Variants in DOCK9 observed in about 807,000 individuals in gnomAD.
DOCK9 encodes the protein dedicator of cytokinesis 9, also known as dedicator of cytokinesis protein 9.
DOCK9 carries 89 observed loss-of-function variants against 263.3 expected under a neutral mutation model. The ratio of observed to expected loss-of-function variants is 0.34; its 90% CI spans 0.28 to 0.40. The LOEUF (loss-of-function observed/expected upper bound fraction) is 0.40. Among genes scored for constraint, DOCK9 ranks in the 10% least tolerant of loss-of-function variants. The pLI is 1.00. For missense variants in DOCK9, 2,140 were observed against 2,603.4 expected (o/e 0.82, Z 3.87); for synonymous variants, 976 against 973.1 (o/e 1.00, Z -0.06).
At chr13:99,086,283 C>A in exon 1 of DOCK9, 1 of 1,495,716 alleles carries the variant, frequency 6.7e-7, no homozygotes, top group Non-Finnish European at 8.9e-7. Flanking sequence ...CCGCCGTGCC[C>A]GGCTTACTCA....
chr13:98,990,102 T>C (rs1195367464), intron 1 of DOCK9, among the ~76,000 whole-genome samples: 1 of 152,212 alleles, frequency 6.6e-6, no homozygotes, highest in Admixed American at 6.5e-5. Flanking sequence ...CTCTTGAAAT[T>C]CAAGTTCAAA....
intron 1 of DOCK9, among the ~76,000 whole-genome samples, chr13:99,012,458 G>A (rs1019934078): frequency 1.3e-5 from 2 of 152,142 alleles, no homozygotes; most frequent in African/African-American, 2.4e-5. Context: ...CTGAGTAGCT[G>A]AAGTAGGGGT....
rs548085376 is a variant in DOCK9, at chr13:99,075,155, A to G, written c.129+11068T>C. On this transcript the variant is annotated intron_variant, in intron 1 of 32. Transcript: ENST00000427887. ...CATTTACAGTAGTAAATGATAAAATAGACTAGTATCTACACATTATTTTAT... is the reference window on the plus strand; with the variant it reads ...CATTTACAGTAGTAAATGATAAAATGGACTAGTATCTACACATTATTTTAT... Among the ~76,000 whole-genome samples the G allele has an allele frequency of 2.6e-5, 4 of 152,258 alleles. No individual in the cohort carries two copies. In the South Asian group the frequency reaches 8.3e-4, roughly 32 times the overall value.
intron 50 of DOCK9, among the ~76,000 whole-genome samples, chr13:98,799,551 T>C (rs2089857809): frequency 6.6e-6 from 1 of 152,208 alleles, no homozygotes; most frequent in Admixed American, 6.5e-5. Flanking sequence ...ATCACAAGTG[T>C]ATACAGCTTG....
chr13:98,938,369 CA>C (rs2140460426), intron 2 of DOCK9, among the ~76,000 whole-genome samples: 1 of 152,312 alleles, frequency 6.6e-6, no homozygotes, highest in African/African-American at 2.4e-5. Flanking sequence ...TCCACATCCA[CA>C]GAACAGTCTT....
chr13:99,045,817 G>A (rs1377166020), intron 1 of DOCK9, among the ~76,000 whole-genome samples: 7 of 152,138 alleles, frequency 4.6e-5, no homozygotes, highest in Admixed American at 6.5e-5. Context: ...CAGCAGCCGG[G>A]TGCGGTGGCT....
At chr13:98,861,238 T>C (rs868325968) in intron 32 of DOCK9, among the ~76,000 whole-genome samples, 2 of 152,198 alleles carry the variant, frequency 1.3e-5, no homozygotes, top group South Asian at 2.1e-4. Flanking sequence ...ACAAACGCTA[T>C]ACACACGGCT....
At chr13:98,919,312 G>A (rs755085475) in intron 7 of DOCK9, among the ~76,000 whole-genome samples, 4 of 152,132 alleles carry the variant, frequency 2.6e-5, no homozygotes, top group South Asian at 2.1e-4. Context: ...GTTTCACCAT[G>A]TTGGTCAGGC....
At chr13:98,955,652 A>T (rs962652600) in intron 1 of DOCK9, 101 bp from the exon 2 acceptor site, 21 of 796,032 alleles carry the variant, frequency 2.6e-5, no homozygotes, top group Non-Finnish European at 4.2e-5. Flanking sequence ...ATTTTCTACA[A>T]TTAGAGTATG....
intron 1 of DOCK9, among the ~76,000 whole-genome samples, chr13:99,022,526 A>G (rs1886239810): frequency 6.6e-6 from 1 of 152,222 alleles, no homozygotes; most frequent in Non-Finnish European, 1.5e-5. Context: ...GGAAACAACC[A>G]GACCTAGCTC....
exon 1 of DOCK9, chr13:99,086,442 T>C (rs2142531818): frequency 1.2e-6 from 1 of 850,160 alleles, no homozygotes; most frequent in Non-Finnish European, 1.4e-6. Flanking sequence ...CCCGGCCCGC[T>C]CCGCCCGCCG....
intron 1 of DOCK9, among the ~76,000 whole-genome samples, chr13:99,020,277 A>G (rs1172783121): frequency 2.6e-5 from 4 of 152,192 alleles, no homozygotes; most frequent in African/African-American, 4.8e-5. Flanking sequence ...AACCTAAAAC[A>G]GCACCTTGCT....
rs539202077 is a variant in DOCK9, at chr13:98,797,369, A to G, written c.6017+20T>C. On this transcript the variant is annotated intron_variant, in intron 51 of 52. Transcript: ENST00000682017. ...ATGATCAATACTCGAAGAGAAAAAG[A>G]TGCTTTCAGTGTGCTTTACCTGAAA... is the stretch of plus-strand genomic sequence containing the variant. 1.6e-5 allele frequency: 26 copies of G among 1,611,378 alleles called. No individual in the cohort carries two copies. In the East Asian group the frequency reaches 2.2e-4, roughly 14 times the overall value.
At chr13:98,838,959 C>T (rs2093111056) in intron 38 of DOCK9, among the ~76,000 whole-genome samples, 1 of 152,134 alleles carries the variant, frequency 6.6e-6, no homozygotes, top group South Asian at 2.1e-4. Context: ...TATCATAGTA[C>T]ATATTATTGG....
rs879444282 is a variant in DOCK9, at chr13:98,962,637, TA to T, written c.127-7087del. Among the ~76,000 whole-genome samples, 404 of 127,254 alleles carry T rather than the reference TA, an allele frequency of 3.2e-3. 5 individuals are homozygous for T. The highest frequency in any genetic ancestry group is 0.016 in the Admixed American group (205 of 12,544). 83.5% of individuals were successfully genotyped at this position (127,254 alleles called of 152,430 possible). A position where few individuals can be genotyped will look rare whatever the true frequency, so the allele number is the denominator to read the frequency against. On this transcript the variant is annotated intron_variant, in intron 1 of 52. Coordinates refer to ENST00000682017, the MANE Select transcript of DOCK9 (RefSeq NM_001366683.2). Reference sequence around the variant, plus strand: ...AATATGTTGCTTGCATGATAGGTTTTAAAAAAAAAAAAAAGAAAAAAAAACT... The same window carrying T: ...AATATGTTGCTTGCATGATAGGTTTTAAAAAAAAAAAAAGAAAAAAAAACT...
At position 98,794,876 on chromosome 13, in the gene DOCK9, C is replaced by T. The variant is rs192632528; in HGVS notation, c.6157-128G>A. ...TACAGAGTTTAAGGCAATGTTGCCA[C>T]GTGCAACACAATGTTACTGAGTATA... On this transcript the variant is annotated intron_variant, in intron 52 of 52. Transcript: ENST00000682017. 38 of 938,552 alleles carry T rather than the reference C, an allele frequency of 4.0e-5. No individual in the cohort carries two copies. The African/African-American group carries it at 4.0e-4, about 10-fold the overall frequency. 58.1% of individuals were successfully genotyped at this position (938,552 alleles called of 1,614,324 possible).
At chr13:98,881,823 C>T in intron 24 of DOCK9, 69 bp downstream of exon 24, 1 of 1,352,436 alleles carries the variant, frequency 7.4e-7, no homozygotes, top group Non-Finnish European at 1.0e-6. Flanking sequence ...AGCATCCCAG[C>T]TATGCATGAC....
intron 1 of DOCK9, among the ~76,000 whole-genome samples, chr13:98,965,450 T>G (rs1372351952): frequency 6.6e-6 from 1 of 152,206 alleles, no homozygotes; most frequent in East Asian, 1.9e-4. Flanking sequence ...TTAAAAGCTT[T>G]TATTTAGCAC....
intron 12 of DOCK9, 101 bp downstream of exon 12, chr13:98,902,187 C>A: frequency 8.0e-7 from 1 of 1,252,734 alleles, no homozygotes; most frequent in Non-Finnish European, 1.1e-6. Flanking sequence ...TCTAATGACC[C>A]CACTTGTGCA....
Sources: gnomAD v4.1 joint callset for allele counts (sites outside exome capture counted in the v4.1 genomes callset) on GRCh38, gnomAD v4.1.1 for gene constraint, MANE v1.5 for transcripts, NCBI Gene and HGNC (gene_info 2026-07-23, HGNC 2026-07-21) for gene names.